Variants in CNST observed in about 807,000 individuals in gnomAD.
The protein encoded by CNST is consortin.
A neutral mutation model predicts 72.4 loss-of-function variants in CNST; 39 were observed. The ratio of observed to expected loss-of-function variants is 0.54; its 90% confidence interval spans 0.42 to 0.70. The LOEUF (loss-of-function observed/expected upper bound fraction) is 0.70. Among genes scored for constraint, CNST ranks in the 30% least tolerant of loss-of-function variants. The pLI, the probability that CNST is intolerant of heterozygous loss-of-function variation, is 0.00. For synonymous variants in CNST, 332 were observed against 320.1 expected, an observed-to-expected ratio of 1.04 and a Z score of -0.40; for missense variants, 871 against 868.5, an observed-to-expected ratio of 1.00 and a Z score of -0.04.
intron 9 of CNST, among the ~76,000 whole-genome samples, chr1:246,654,021 G>A (rs1010818528): frequency 6.6e-6 from 1 of 152,278 alleles, no homozygotes; most frequent in East Asian, 1.9e-4. Context: ...GTTCTTGATC[G>A]AACACACGGA....
intron 1 of CNST, among the ~76,000 whole-genome samples, chr1:246,574,866 G>T (rs1209690463): frequency 6.6e-6 from 1 of 152,028 alleles, no homozygotes; most frequent in African/African-American, 2.4e-5. Flanking sequence ...CTATGTAAAA[G>T]CATCATTTTT....
chr1:246,586,926 T>TA (rs972566177), intron 1 of CNST, among the ~76,000 whole-genome samples: 54 of 152,194 alleles, frequency 3.5e-4, no homozygotes, highest in African/African-American at 1.3e-3. Flanking sequence ...TTATAGTGGT[T>TA]AAGGATACAG....
chr1:246,645,252 T>C (rs1003447283), intron 8 of CNST, among the ~76,000 whole-genome samples: 2 of 151,696 alleles, frequency 1.3e-5, no homozygotes, highest in African/African-American at 4.8e-5. Context: ...AGTTGGTGAT[T>C]AGTATTAAAG....
At chr1:246,614,072 G>T (rs1254589982) in intron 2 of CNST, among the ~76,000 whole-genome samples, 1 of 151,860 alleles carries the variant, frequency 6.6e-6, no homozygotes, top group Non-Finnish European at 1.5e-5. Flanking sequence ...AACACTACAG[G>T]TTGAACATCC....
At chr1:246,627,322 T>C (rs1664502573) in intron 3 of CNST, among the ~76,000 whole-genome samples, 1 of 152,218 alleles carries the variant, frequency 6.6e-6, no homozygotes, top group African/African-American at 2.4e-5. Context: ...TGGATCTTCA[T>C]TGCTAAAATT....
intron 2 of CNST, among the ~76,000 whole-genome samples, chr1:246,612,685 G>A (rs927371217): frequency 9.9e-5 from 15 of 152,018 alleles, no homozygotes; most frequent in South Asian, 4.2e-4. Context: ...CCAGGAATTC[G>A]AGACCAGTCT....
At chr1:246,608,204 G>C (rs1170969686) in intron 2 of CNST, 5 of 152,150 alleles carry the variant, frequency 3.3e-5, no homozygotes, top group Non-Finnish European at 7.3e-5. Flanking sequence ...AATTAGCTGG[G>C]CATGGTGGCA....
rs770181134 is a variant in CNST, at chr1:246,566,464, G to C, written c.-251G>C. On this transcript the variant is annotated 5_prime_UTR_variant, in exon 1 of 11. Coordinates refer to ENST00000366513, the MANE Select transcript of CNST (RefSeq NM_152609.3). ...CCAGTGCTCTATGCTCCGCGGTCGC[G>C]GGCCGCCAGCCTCCAGCCGGCCAGC... is the stretch of plus-strand genomic sequence containing the variant. 4.5e-5 allele frequency: 20 copies of C among 439,698 alleles called. No individual in the cohort carries two copies. The highest frequency in any genetic ancestry group is 7.3e-5 in the Non-Finnish European group (18 of 247,462). The allele number at this position is 439,698 out of a possible 1,614,324, so 27.2% of individuals were successfully genotyped here.
chr1:246,586,321 TATC>T (rs1342145832), intron 1 of CNST, among the ~76,000 whole-genome samples: 3 of 147,898 alleles, frequency 2.0e-5, no homozygotes, highest in East Asian at 3.9e-4. Context: ...CTATCTTATG[TATC>T]ATCTATATCA....
intron 2 of CNST, among the ~76,000 whole-genome samples, chr1:246,605,158 G>A (rs754178368): frequency 1.3e-5 from 2 of 152,206 alleles, no homozygotes; most frequent in Non-Finnish European, 2.9e-5. Flanking sequence ...GGAAAATATG[G>A]TAAAATTTAG....
intron 1 of CNST, among the ~76,000 whole-genome samples, chr1:246,585,702 C>CT (rs1316191267): frequency 2.2e-5 from 3 of 138,588 alleles, no homozygotes; most frequent in South Asian, 2.2e-4. Context: ...CACACACACA[C>CT]ACACACACAC....
At chr1:246,653,812 T>G (rs1412241658) in intron 9 of CNST, among the ~76,000 whole-genome samples, 1 of 152,200 alleles carries the variant, frequency 6.6e-6, no homozygotes, top group Non-Finnish European at 1.5e-5. Context: ...GTCCCTTGTT[T>G]CATCTTCTCC....
intron 10 of CNST, among the ~76,000 whole-genome samples, chr1:246,662,447 G>T (rs1292550075): frequency 6.6e-6 from 1 of 152,168 alleles, no homozygotes; most frequent in East Asian, 1.9e-4. Flanking sequence ...GGAGTGCAGT[G>T]GTGCGATCTT....
chr1:246,646,613 T>C (rs1666091639), intron 8 of CNST, among the ~76,000 whole-genome samples: 1 of 152,104 alleles, frequency 6.6e-6, no homozygotes, highest in Admixed American at 6.5e-5. Context: ...CCCGAGTAGC[T>C]GGGATTACAG....
intron 10 of CNST, among the ~76,000 whole-genome samples, chr1:246,664,692 C>T (rs556531775): frequency 0.016 from 2,482 of 152,238 alleles, 33 homozygotes; most frequent in Non-Finnish European, 0.024. Flanking sequence ...TCCCAAAGTG[C>T]TGGGATTACA....
intron 9 of CNST, among the ~76,000 whole-genome samples, chr1:246,652,441 T>TA (rs2103145912): frequency 6.6e-6 from 1 of 152,332 alleles, no homozygotes; most frequent in Non-Finnish European, 1.5e-5. Flanking sequence ...TTACGAAAGT[T>TA]AATCTATTTT....
chr1:246,627,896 T>C (rs910973674), intron 3 of CNST, among the ~76,000 whole-genome samples: 1 of 151,504 alleles, frequency 6.6e-6, no homozygotes, highest in African/African-American at 2.4e-5. Context: ...ACTCATAGGA[T>C]ATTTATATAT....
intron 10 of CNST, 38 bp downstream of exon 10, chr1:246,660,372 T>G: frequency 6.3e-7 from 1 of 1,592,532 alleles, no homozygotes; most frequent in South Asian, 1.1e-5. Flanking sequence ...GGATAGATGC[T>G]CAGTGTTTGC....
At chr1:246,604,425 G>A (rs1334750200) in intron 2 of CNST, among the ~76,000 whole-genome samples, 1 of 152,116 alleles carries the variant, frequency 6.6e-6, no homozygotes, top group Non-Finnish European at 1.5e-5. Context: ...CTGTGCGTTT[G>A]TTTTGATCTA....
Sources: gnomAD v4.1 joint callset for allele counts (sites outside exome capture counted in the v4.1 genomes callset) on GRCh38, gnomAD v4.1.1 for gene constraint, MANE v1.5 for transcripts, NCBI Gene and HGNC (gene_info 2026-07-23, HGNC 2026-07-21) for gene names.